Variants in UNC13A observed in about 807,000 individuals in gnomAD.
UNC13A encodes unc-13 homolog A.
UNC13A carries 61 observed loss-of-function variants against 219.7 expected under a neutral mutation model. The ratio of observed to expected loss-of-function variants is 0.28; its 90% CI spans 0.23 to 0.34. UNC13A has a LOEUF of 0.34. UNC13A is among the 10% of genes least tolerant of loss of function. The pLI is 1.00. For synonymous variants in UNC13A, 920 were observed against 884.6 expected, an observed-to-expected ratio of 1.04 and a Z score of -0.71; for missense variants, 1,476 against 2,270.3, an observed-to-expected ratio of 0.65 and a Z score of 7.11.
In UNC13A at chr19:17,627,870, C is replaced by T; in HGVS notation, c.3824G>A (p.Gly1275Glu). The T allele has an allele frequency of 6.2e-7, 1 of 1,602,674 alleles. No homozygotes were observed. The highest frequency in any genetic ancestry group is 8.5e-7 in the Non-Finnish European group (1 of 1,173,758). The part of the protein sequence containing the change: ...QLEKMFEAMG[G>E]KELDAEASDI... ...GCCTCGGCCCTGCCTCACCTCCTTTCCTCCCATGGCTTCGAACATCTTCTC... is the reference window on the plus strand; with the variant it reads ...GCCTCGGCCCTGCCTCACCTCCTTTTCTCCCATGGCTTCGAACATCTTCTC... The change falls in exon 32 of 44, where the codon GGA (glycine) becomes GAA (glutamate). Residue 1275 changes from glycine to glutamate, a missense_variant. Gly to Glu is a moderately conservative substitution (Grantham distance 98, BLOSUM62 -2). Coordinates refer to ENST00000519716, the MANE Select transcript of UNC13A (RefSeq NM_001080421.3). The surrounding 1 kb of genome is among the most constrained non-coding windows in gnomAD (Gnocchi z 4.7).
intron 41 of UNC13A, 86 bp downstream of exon 41, chr19:17,617,616 G>A: frequency 6.4e-7 from 1 of 1,557,878 alleles, no homozygotes. Flanking sequence ...ACGTCACAGG[G>A]GAGTGAGCCA....
At chr19:17,618,786 C>G in intron 39 of UNC13A, 120 bp downstream of exon 39, 1 of 976,872 alleles carries the variant, frequency 1.0e-6, no homozygotes, top group East Asian at 2.4e-5. Context: ...GAGTTTCTGT[C>G]CTTTGAGCCT....
chr19:17,617,739 C>T lies in UNC13A; in HGVS notation c.4521G>A (p.Leu1507=). The part of the protein sequence containing the change: ...ALSLYTQATD[L]LIKTFVQTQS... Reference sequence around the variant, plus strand: ...GCGTCTGTACAAAGGTCTTGATTAGCAGGTCGGTGGCCTGCGTGTAGAGCG... The same window carrying T: ...GCGTCTGTACAAAGGTCTTGATTAGTAGGTCGGTGGCCTGCGTGTAGAGCG... Residue 1507 remains leucine (L), a synonymous_variant, in exon 41 of 44, where the codon CTG becomes CTA. Coordinates refer to ENST00000519716, the MANE Select transcript of UNC13A (RefSeq NM_001080421.3). 6.2e-7 allele frequency: 1 copy of T among 1,613,952 alleles called. No individual in the cohort carries two copies. Among genetic ancestry groups the T allele is most frequent in the Non-Finnish European group, 8.5e-7 (1 of 1,179,840 alleles).
intron 9 of UNC13A, among the ~76,000 whole-genome samples, chr19:17,656,624 G>T (rs992732210): frequency 6.6e-6 from 1 of 152,124 alleles, no homozygotes; most frequent in African/African-American, 2.4e-5. Context: ...GGCTGAGGTG[G>T]GCAGATCACC....
chr19:17,620,829 G>T, intron 37 of UNC13A, 107 bp from the exon 38 acceptor site: 1 of 1,317,340 alleles, frequency 7.6e-7, no homozygotes, highest in Non-Finnish European at 1.1e-6. Flanking sequence ...CAGCCCAGGA[G>T]CTCCTCCCCA....
Position 17,627,413 on chromosome 19 carries a change from T to G in UNC13A, c.3920+96A>C. Reference sequence around the variant, plus strand: ...CTTGTCTAACTCTGAGCCTGCAATCTTCACCTCTACATCTGCTGAGCCTCC... The same window carrying G: ...CTTGTCTAACTCTGAGCCTGCAATCGTCACCTCTACATCTGCTGAGCCTCC... On this transcript the variant is annotated intron_variant, in intron 33 of 43. Coordinates refer to ENST00000519716, the MANE Select transcript of UNC13A (RefSeq NM_001080421.3). This position sits in a 1 kb window ranked among gnomAD's most constrained non-coding sequence, Gnocchi z 4.7. 3 of 961,882 alleles carry G rather than the reference T, an allele frequency of 3.1e-6. No homozygotes were observed. The highest frequency in any genetic ancestry group is 4.8e-6 in the Non-Finnish European group (3 of 629,756). The allele number at this position is 961,882 out of a possible 1,614,324, so 59.6% of individuals were successfully genotyped here. A position where few individuals can be genotyped will look rare whatever the true frequency, so the allele number is the denominator to read the frequency against.
chr19:17,640,990 C>T (rs114884656), intron 21 of UNC13A, among the ~76,000 whole-genome samples: 3,136 of 151,644 alleles, frequency 0.021, 116 homozygotes, highest in African/African-American at 0.071. Flanking sequence ...GCAATTCTCC[C>T]ACCCTAACTT....
At chr19:17,632,357 T>A (rs1343126014) in intron 28 of UNC13A, among the ~76,000 whole-genome samples, 1 of 152,114 alleles carries the variant, frequency 6.6e-6, no homozygotes, top group Non-Finnish European at 1.5e-5. Flanking sequence ...TTCATTAATT[T>A]TAGAGATGGG....
intron 42 of UNC13A, among the ~76,000 whole-genome samples, chr19:17,610,918 A>G (rs2076596601): frequency 6.6e-6 from 1 of 152,146 alleles, no homozygotes; most frequent in Admixed American, 6.6e-5. Context: ...CTGCAATCCC[A>G]GCGACTCCGG....
chr19:17,602,068 T>C lies in UNC13A; in HGVS notation c.*3986A>G, dbSNP rs907667313. 2 of 152,218 alleles carry C rather than the reference T, an allele frequency of 1.3e-5. No homozygotes were observed. Among genetic ancestry groups the C allele is most frequent in the African/African-American group, 4.8e-5 (2 of 41,290 alleles). 9.4% of individuals were successfully genotyped at this position (152,218 alleles called of 1,614,324 possible). A position where few individuals can be genotyped will look rare whatever the true frequency, so the allele number is the denominator to read the frequency against. On this transcript the variant is annotated 3_prime_UTR_variant, in exon 44 of 44. Transcript: ENST00000519716. ...CGAGAGAGGTCCCAAGGATTTCTAG[T>C]TGGGTGTTTAGTTTTTTGCATCTCT... is the stretch of plus-strand genomic sequence containing the variant.
chr19:17,648,383 G>A (rs1307079013), intron 16 of UNC13A, 48 bp downstream of exon 16: 1 of 1,445,966 alleles, frequency 6.9e-7, no homozygotes, highest in African/African-American at 1.4e-5. Context: ...GCAAGCCCCG[G>A]GGCTCCCCAC....
At chr19:17,666,820 C>G (rs2079656724) in intron 6 of UNC13A, 116 bp from the exon 7 acceptor site, 1 of 614,584 alleles carries the variant, frequency 1.6e-6, no homozygotes, top group African/African-American at 1.9e-5. Flanking sequence ...AAATTCTCTC[C>G]CTCTCTATGA....
intron 43 of UNC13A, among the ~76,000 whole-genome samples, chr19:17,608,580 C>T (rs955217800): frequency 6.7e-5 from 10 of 148,944 alleles, no homozygotes; most frequent in East Asian, 3.9e-4. Context: ...TGCAGTGGTG[C>T]GATCTCGGCT....
At chr19:17,646,253 CAG>C in intron 17 of UNC13A, 142 bp from the exon 18 acceptor site, 1 of 1,109,370 alleles carries the variant, frequency 9.0e-7, no homozygotes, top group Non-Finnish European at 1.2e-6. Flanking sequence ...CTGGGCTTGC[CAG>C]AGAGGTTTTT....
intron 26 of UNC13A, 136 bp downstream of exon 26, chr19:17,635,888 G>T (rs560220202): frequency 2.7e-6 from 3 of 1,126,548 alleles, no homozygotes; most frequent in African/African-American, 1.6e-5. Context: ...TTTTGCACAG[G>T]TATAATCAGA....
At chr19:17,609,907 G>T (rs766592135) in intron 43 of UNC13A, 33 bp downstream of exon 43, 2 of 1,609,996 alleles carry the variant, frequency 1.2e-6, no homozygotes, top group Non-Finnish European at 1.7e-6. Context: ...CCCCTCCCTT[G>T]CCCCCATGCT....
rs1026075064 is a variant in UNC13A at position 17,606,012 on chromosome 19, G to A, written c.*42C>T. 11 of 1,394,116 alleles carry A rather than the reference G, an allele frequency of 7.9e-6. No homozygotes were observed. Among genetic ancestry groups the A allele is most frequent in the South Asian group, 6.6e-5 (4 of 60,998 alleles). The allele number at this position is 1,394,116 out of a possible 1,614,324, so 86.4% of individuals were successfully genotyped here. A position where few individuals can be genotyped will look rare whatever the true frequency, so the allele number is the denominator to read the frequency against. On this transcript the variant is annotated 3_prime_UTR_variant, in exon 44 of 44. Transcript: ENST00000519716. Reference sequence around the variant, plus strand: ...CAAGCCCCGTCCCTCCCCGCCCAGCGCCCTCCGCGCAGGCGCAGTGCCGCT... The same window carrying A: ...CAAGCCCCGTCCCTCCCCGCCCAGCACCCTCCGCGCAGGCGCAGTGCCGCT...
chr19:17,612,274 C>G (rs988663776), intron 41 of UNC13A: 1 of 156,848 alleles, frequency 6.4e-6, no homozygotes, highest in Admixed American at 6.5e-5. Context: ...CCCTCCAACC[C>G]CCTTTTGTCA....
chr19:17,668,298 G>T, intron 5 of UNC13A, 108 bp from the exon 6 acceptor site: 1 of 1,076,704 alleles, frequency 9.3e-7, no homozygotes, highest in South Asian at 1.4e-5. Context: ...GGGGTCTTTG[G>T]CAAAGCCTCA....
Sources: allele counts gnomAD v4.1 joint callset (sites outside exome capture counted in the v4.1 genomes callset), GRCh38; gene constraint gnomAD v4.1.1; non-coding constraint Gnocchi (gnomAD v3.1); transcripts MANE v1.5; gene names NCBI Gene and HGNC (gene_info 2026-07-23, HGNC 2026-07-21).